The following PLBD1 variants were observed in gnomAD, a reference collection of about 807,000 sequenced individuals.
PLBD1 encodes phospholipase B domain containing 1, also known as lysosomal leucine aminopeptidase.
In PLBD1, 60 loss-of-function variants were observed where a neutral mutation model predicts 63.0. The observed-to-expected ratio is 0.95, with a 90% CI of 0.77 to 1.18. The LOEUF is 1.18. PLBD1 is among the 50% of genes most tolerant of loss of function. The probability of loss-of-function intolerance (pLI) is 0.00; values close to 1 mark genes in which losing one functional copy is unlikely to be tolerated. For synonymous variants in PLBD1, 262 were observed against 248.0 expected (o/e 1.06, Z -0.53); for missense variants, 598 against 677.9 (o/e 0.88, Z 1.31).
chr12:14,558,104 A>T (rs1052698699), intron 1 of PLBD1, among the ~76,000 whole-genome samples: 1 of 148,898 alleles, frequency 6.7e-6, no homozygotes, highest in Non-Finnish European at 1.5e-5. Flanking sequence ...GTAGAGTCTT[A>T]ATACTAGAGC....
intron 8 of PLBD1, among the ~76,000 whole-genome samples, chr12:14,510,881 T>TG (rs1387609695): frequency 6.6e-6 from 1 of 152,222 alleles, no homozygotes; most frequent in Non-Finnish European, 1.5e-5. Context: ...ACTAGACTCC[T>TG]GAGTCCTTCC....
intron 6 of PLBD1, among the ~76,000 whole-genome samples, chr12:14,514,258 G>C (rs1266478131): frequency 6.6e-6 from 1 of 152,240 alleles, no homozygotes; most frequent in African/African-American, 2.4e-5. Context: ...GCTTGACAGA[G>C]TGTAAAATGG....
In PLBD1 at chr12:14,507,058, G is replaced by GGATA; in HGVS notation, c.1243_1246dup (p.Pro416LeufsTer15). ...CAAGCCCAGCTTCTGAACTAACAGT[G>GGATA]GATAGCCACTCCAGTTGTAGATTTT... On this transcript the variant is annotated frameshift_variant, in exon 9 of 11. Coordinates refer to ENST00000240617, the MANE Select transcript of PLBD1 (RefSeq NM_024829.6). LOFTEE classifies it high-confidence loss of function. The GGATA allele has an allele frequency of 1.9e-6, 3 of 1,613,694 alleles. No individual in the cohort carries two copies. Among genetic ancestry groups the GGATA allele is most frequent in the Non-Finnish European group, 2.5e-6 (3 of 1,179,724 alleles).
chr12:14,519,737 G>C (rs900872113), intron 6 of PLBD1, among the ~76,000 whole-genome samples: 3 of 152,054 alleles, frequency 2.0e-5, no homozygotes, highest in African/African-American at 4.8e-5. Context: ...AACCAAACCT[G>C]TCAATATCTT....
At position 14,567,784 on chromosome 12, in the gene PLBD1, C is replaced by G; in HGVS notation, c.-88G>C. 7.4e-7 allele frequency: 1 copy of G among 1,349,212 alleles called. No homozygotes were observed. The highest frequency in any genetic ancestry group is 1.5e-5 in the African/African-American group (1 of 64,826). 83.6% of individuals were successfully genotyped at this position (1,349,212 alleles called of 1,614,324 possible). The stretch of plus-strand genomic sequence containing the variant: ...AGTTGCAAGAGAGGCTCCTGGCCTA[C>G]TCAGGGGCGCCGCCTCTCCGAGGTG... On this transcript the variant is annotated 5_prime_UTR_variant, in exon 1 of 11. Transcript: ENST00000240617.
chr12:14,558,838 G>A (rs1182973316), intron 1 of PLBD1, among the ~76,000 whole-genome samples: 1 of 152,136 alleles, frequency 6.6e-6, no homozygotes, highest in Admixed American at 6.5e-5. Flanking sequence ...CTGCAAATAT[G>A]TGCTTTTTTG....
Position 14,544,475 on chromosome 12 carries a change from G to A in PLBD1, c.336-2184C>T, listed in dbSNP as rs544091758. On this transcript the variant is annotated intron_variant, in intron 2 of 10. Coordinates refer to ENST00000240617, the MANE Select transcript of PLBD1 (RefSeq NM_024829.6). ...AGGAGTGAGCCACTGCACTGGGCCC[G>A]TTTTTTCCATTTTGATAAATTCTCA... Among the ~76,000 whole-genome samples, 5 of 152,006 alleles carry A rather than the reference G, an allele frequency of 3.3e-5. No individual in the cohort carries two copies. In the East Asian group the frequency reaches 9.6e-4, roughly 29 times the overall value.
intron 4 of PLBD1, among the ~76,000 whole-genome samples, chr12:14,540,411 T>C (rs1316321501): frequency 1.3e-5 from 2 of 151,866 alleles, no homozygotes; most frequent in Non-Finnish European, 2.9e-5. Context: ...GTGGGAAACA[T>C]AGAACTTGTA....
chr12:14,540,264 G>A (rs1302896302), intron 4 of PLBD1, among the ~76,000 whole-genome samples: 2 of 150,486 alleles, frequency 1.3e-5, no homozygotes, highest in African/African-American at 4.9e-5. Context: ...ATATTATCAC[G>A]GGAAATAAAA....
chr12:14,518,973 C>G (rs1945355742), intron 6 of PLBD1, among the ~76,000 whole-genome samples: 1 of 151,826 alleles, frequency 6.6e-6, no homozygotes, highest in South Asian at 2.1e-4. Context: ...GGTGAGTATT[C>G]CAATAATAGC....
intron 10 of PLBD1, among the ~76,000 whole-genome samples, chr12:14,505,750 G>T (rs7956858): frequency 0.021 from 3,224 of 152,318 alleles, 107 homozygotes; most frequent in African/African-American, 0.074. Context: ...GAATCGCACT[G>T]CTTGAATAAT....
intron 6 of PLBD1, among the ~76,000 whole-genome samples, chr12:14,524,956 A>C (rs1200891111): frequency 6.6e-6 from 1 of 152,264 alleles, no homozygotes; most frequent in African/African-American, 2.4e-5. Flanking sequence ...TGGCAGAAGA[A>C]GGAATTAGAA....
chr12:14,518,839 T>C (rs1378239309), intron 6 of PLBD1, among the ~76,000 whole-genome samples: 1 of 152,076 alleles, frequency 6.6e-6, no homozygotes, highest in East Asian at 1.9e-4. Flanking sequence ...AAAGGAGAGA[T>C]AACTTACTTG....
chr12:14,558,175 T>G (rs1945721261), intron 1 of PLBD1, among the ~76,000 whole-genome samples: 1 of 151,962 alleles, frequency 6.6e-6, no homozygotes, highest in Admixed American at 6.6e-5. Context: ...GCTTAGAAAC[T>G]AATCCTGATT....
intron 4 of PLBD1, among the ~76,000 whole-genome samples, chr12:14,540,053 T>TATATATACACAC (rs1555147116): frequency 2.3e-5 from 2 of 87,352 alleles, no homozygotes; most frequent in African/African-American, 9.3e-5. Context: ...TATATATATA[T>TATATATACACAC]ACACACACAC....
chr12:14,549,432 A>G (rs1945639874), intron 2 of PLBD1, among the ~76,000 whole-genome samples: 1 of 152,188 alleles, frequency 6.6e-6, no homozygotes, highest in Non-Finnish European at 1.5e-5. Context: ...TCTTGGTACC[A>G]CATATATGGG....
chr12:14,547,203 TGTGTGTG>T (rs2136927936), intron 2 of PLBD1, among the ~76,000 whole-genome samples: 1 of 151,688 alleles, frequency 6.6e-6, no homozygotes. Flanking sequence ...TGTGTGTGTG[TGTGTGTG>T]TGTGTGTGTG....
At chr12:14,507,186 A>G in intron 8 of PLBD1, 68 bp from the exon 9 acceptor site, 2 of 1,181,576 alleles carry the variant, frequency 1.7e-6, no homozygotes, top group Non-Finnish European at 2.4e-6. Flanking sequence ...GAGAGAGAGC[A>G]AAAGAAATGT....
At chr12:14,544,208 C>T (rs1384917514) in intron 2 of PLBD1, among the ~76,000 whole-genome samples, 1 of 152,226 alleles carries the variant, frequency 6.6e-6, no homozygotes, top group Non-Finnish European at 1.5e-5. Context: ...GAGTCTTGCT[C>T]TGTCACCCAG....
Sources: gnomAD v4.1 joint callset for allele counts (sites outside exome capture counted in the v4.1 genomes callset) on GRCh38, gnomAD v4.1.1 for gene constraint, MANE v1.5 for transcripts, NCBI Gene and HGNC (gene_info 2026-07-23, HGNC 2026-07-21) for gene names.